Variants in KLRG1 observed in about 807,000 individuals in gnomAD.
KLRG1 encodes the protein killer cell lectin-like receptor subfamily G member 1.
A neutral mutation model predicts 21.8 loss-of-function variants in KLRG1; 16 were observed. That is an observed-to-expected ratio of 0.73 (90% CI 0.50 to 1.11). The LOEUF (loss-of-function observed/expected upper bound fraction) is 1.11, where lower values mean the gene tolerates loss of function less well. Ranked by LOEUF, KLRG1 falls within the 50% of genes most tolerant of loss-of-function variation. The pLI is 0.00. For synonymous variants in KLRG1, 69 were observed against 75.9 expected (o/e 0.91, Z 0.47); for missense variants, 173 against 218.3 (o/e 0.79, Z 1.31).
the KLRG1 span, among the ~76,000 whole-genome samples, chr12:9,080,950 C>T: frequency 2.0e-5 from 3 of 151,950 alleles, no homozygotes; most frequent in Non-Finnish European, 4.4e-5. Context: ...AATAAAATAA[C>T]TGCTACTGAT....
chr12:9,137,108 C>T, the KLRG1 span, among the ~76,000 whole-genome samples: 1 of 152,112 alleles, frequency 6.6e-6, no homozygotes, highest in Non-Finnish European at 1.5e-5. Context: ...TTGCCAAGAC[C>T]AAGATCATAA....
intron 1 of KLRG1, among the ~76,000 whole-genome samples, chr12:8,951,069 T>G (rs933462): frequency 0.36 from 54,321 of 151,914 alleles, 11,104 homozygotes; most frequent in Middle Eastern, 0.46. Context: ...TTCCTGAAAA[T>G]GAAAGTAATT....
At chr12:9,161,430 A>G in the KLRG1 span, among the ~76,000 whole-genome samples, 1 of 152,202 alleles carries the variant, frequency 6.6e-6, no homozygotes, top group African/African-American at 2.4e-5. Context: ...ATTTGACTTA[A>G]TGATGAGACT....
chr12:9,153,819 G>A, the KLRG1 span, among the ~76,000 whole-genome samples: 8 of 152,102 alleles, frequency 5.3e-5, no homozygotes, highest in Admixed American at 5.2e-4. Context: ...TCACTATGGA[G>A]ATCCTAACTG....
the KLRG1 span, chr12:9,067,573 C>T: frequency 1.8e-5 from 10 of 555,722 alleles, no homozygotes; most frequent in Admixed American, 7.8e-5. Flanking sequence ...CTACTCAGAC[C>T]GACATCACTG....
chr12:9,120,885 ATT>A, the KLRG1 span, among the ~76,000 whole-genome samples: 12 of 50,586 alleles, frequency 2.4e-4, no homozygotes, highest in Non-Finnish European at 8.9e-5. Flanking sequence ...GTGTGTGTGT[ATT>A]TTTTTTTTTC....
At chr12:9,100,850 A>G in the KLRG1 span, among the ~76,000 whole-genome samples, 1 of 152,178 alleles carries the variant, frequency 6.6e-6, no homozygotes, top group Non-Finnish European at 1.5e-5. Flanking sequence ...GAGCTAAGTT[A>G]TGAGGATGCA....
the KLRG1 span, chr12:9,154,941 ACAGGAGAAG>A: frequency 8.4e-7 from 1 of 1,186,118 alleles, no homozygotes; most frequent in Admixed American, 2.4e-5. Context: ...TGAAAATAAT[ACAGGAGAAG>A]CAAGGTCTTC....
the KLRG1 span, among the ~76,000 whole-genome samples, chr12:9,125,422 A>G: frequency 4.6e-5 from 7 of 152,202 alleles, no homozygotes; most frequent in Non-Finnish European, 8.8e-5. Flanking sequence ...GAAAATCGAC[A>G]CCTCAAAGCA....
At chr12:8,989,144 C>T (rs977540409), upstream of KLRG1, among the ~76,000 whole-genome samples, 3 of 152,092 alleles carry the variant, frequency 2.0e-5, no homozygotes, top group Non-Finnish European at 4.4e-5. Context: ...CTATTTCTCC[C>T]GTGATTCCAG....
chr12:9,107,883 T>A, the KLRG1 span, among the ~76,000 whole-genome samples: 1 of 152,206 alleles, frequency 6.6e-6, no homozygotes, highest in East Asian at 1.9e-4. Flanking sequence ...CGTTTTTTTT[T>A]AGTTTTATCT....
intron 1 of KLRG1, among the ~76,000 whole-genome samples, chr12:8,963,702 T>G (rs1946417747): frequency 6.6e-6 from 1 of 152,218 alleles, no homozygotes; most frequent in Non-Finnish European, 1.5e-5. Flanking sequence ...GATTATTGCC[T>G]CAATTTCAGA....
At chr12:9,190,581 A>G in the KLRG1 span, among the ~76,000 whole-genome samples, 2 of 152,124 alleles carry the variant, frequency 1.3e-5, no homozygotes, top group Non-Finnish European at 2.9e-5. Flanking sequence ...ATCAGAAAAA[A>G]TAATTATTGG....
chr12:9,192,963 C>T, the KLRG1 span, among the ~76,000 whole-genome samples: 1 of 152,170 alleles, frequency 6.6e-6, no homozygotes, highest in Admixed American at 6.5e-5. Flanking sequence ...TCTGCTAACT[C>T]ATTACTACTT....
chr12:9,008,900 G>T, intron 3 of KLRG1, 75 bp from the exon 4 acceptor site: 1 of 934,026 alleles, frequency 1.1e-6, no homozygotes, highest in East Asian at 2.4e-5. Flanking sequence ...TTAGTATTAG[G>T]AATCCAATGT....
At chr12:9,160,502 G>A in the KLRG1 span, 1 of 1,605,974 alleles carries the variant, frequency 6.2e-7, no homozygotes, top group South Asian at 1.1e-5. Flanking sequence ...TGGGGAATGT[G>A]AAAGATTAGA....
rs188952789 is a variant in KLRG1, at chr12:8,959,832, A to C, written c.-156+9596A>C. ...TTATTGTGAAAAATTTATTTTGTGA[A>C]TGTTTACTGGTAGTATGTAGAAACA... On this transcript the variant is annotated intron_variant, in intron 1 of 4. Transcript: ENST00000539240. Among the ~76,000 whole-genome samples the C allele has an allele frequency of 2.9e-3, 443 of 152,150 alleles. 3 individuals carry two copies. The highest frequency in any genetic ancestry group is 0.01 in the African/African-American group (417 of 41,494).
At chr12:9,200,919 G>GTATCCTTCCACCT in the KLRG1 span, 1 of 1,613,814 alleles carries the variant, frequency 6.2e-7, no homozygotes, top group Non-Finnish European at 8.5e-7. Flanking sequence ...AAGGGGTGCT[G>GTATCCTTCCACCT]TATCCTTCCA....
chr12:9,199,412 A>T, the KLRG1 span, among the ~76,000 whole-genome samples: 1 of 152,158 alleles, frequency 6.6e-6, no homozygotes, highest in Non-Finnish European at 1.5e-5. Context: ...CCTGGAGTGG[A>T]AATTTCTGGG....
Sources: allele counts gnomAD v4.1 joint callset (sites outside exome capture counted in the v4.1 genomes callset), GRCh38; gene constraint gnomAD v4.1.1; transcripts MANE v1.5; gene names NCBI Gene and HGNC (gene_info 2026-07-23, HGNC 2026-07-21).